Variants in MXRA7 observed in about 807,000 individuals in gnomAD.
MXRA7 encodes the protein matrix-remodeling-associated protein 7.
A neutral mutation model predicts 17.4 loss-of-function variants in MXRA7; 18 were observed. The observed-to-expected ratio is 1.03, with a 90% CI of 0.71 to 1.53. The LOEUF is 1.53. Among genes scored for constraint, MXRA7 ranks in the 40% most tolerant of loss-of-function variants. MXRA7 has a pLI of 0.00. For synonymous variants in MXRA7, 70 were observed against 101.7 expected (o/e 0.69, Z 1.87); for missense variants, 141 against 209.3 (o/e 0.67, Z 2.01).
chr17:76,700,490 C>T (rs779047781), intron 1 of MXRA7, among the ~76,000 whole-genome samples: 9 of 152,172 alleles, frequency 5.9e-5, no homozygotes, highest in Non-Finnish European at 1.0e-4. Context: ...CTGTGCAGGG[C>T]GCTGGGCTAC....
At position 76,686,626 on chromosome 17, in the gene MXRA7, A is replaced by G. The variant is rs1293757281; in HGVS notation, c.407-1461T>C. Among the ~76,000 whole-genome samples the G allele has an allele frequency of 2.6e-5, 4 of 152,260 alleles. No individual in the cohort carries two copies. The South Asian group carries it at 8.3e-4, about 31-fold the overall frequency. The stretch of plus-strand genomic sequence containing the variant: ...AAAAGGATTTCGCTCAGTCACATGC[A>G]GTGCACCAGGCAGCGCATCCAGTTT... On this transcript the variant is annotated intron_variant, in intron 2 of 3. Transcript: ENST00000449428.
Position 76,685,943 on chromosome 17 carries a change from T to G in MXRA7, c.407-778A>C, listed in dbSNP as rs1488714519. On this transcript the variant is annotated intron_variant, in intron 2 of 3. Transcript: ENST00000449428. Reference sequence around the variant, plus strand: ...CCAGCAGGTGTCGGGCAGAGCTGGCTGGCCTCTTATCGACCTCCACTAACT... The same window carrying G: ...CCAGCAGGTGTCGGGCAGAGCTGGCGGGCCTCTTATCGACCTCCACTAACT... Among the ~76,000 whole-genome samples the G allele has an allele frequency of 3.1e-4, 47 of 152,204 alleles. 2 individuals are homozygous for G. Among genetic ancestry groups the G allele is most frequent in the Admixed American group, 3.1e-3 (47 of 15,282 alleles).
At chr17:76,704,451 C>T (rs1447464100) in intron 1 of MXRA7, among the ~76,000 whole-genome samples, 8 of 149,852 alleles carry the variant, frequency 5.3e-5, no homozygotes, top group East Asian at 2.1e-4. Context: ...GTGATCCGCC[C>T]GCCTCGGCCT....
intron 1 of MXRA7, chr17:76,689,809 C>G (rs557834007): frequency 2.6e-5 from 4 of 152,138 alleles, no homozygotes; most frequent in South Asian, 2.1e-4. Flanking sequence ...GAATTCGAGA[C>G]CAGCCTGGCC....
intron 3 of MXRA7, among the ~76,000 whole-genome samples, chr17:76,682,714 G>C (rs1412557423): frequency 1.3e-5 from 2 of 152,168 alleles, no homozygotes; most frequent in Non-Finnish European, 2.9e-5. Context: ...ATGCCTAGGA[G>C]CCACAGGGAG....
intron 1 of MXRA7, among the ~76,000 whole-genome samples, chr17:76,698,884 G>A (rs1238289641): frequency 6.6e-6 from 1 of 151,778 alleles, no homozygotes; most frequent in East Asian, 1.9e-4. Context: ...CAGCATCCCC[G>A]GCTAATTTTT....
At chr17:76,700,984 C>G (rs2143664910) in intron 1 of MXRA7, among the ~76,000 whole-genome samples, 1 of 152,040 alleles carries the variant, frequency 6.6e-6, no homozygotes, top group African/African-American at 2.4e-5. Flanking sequence ...AGAAAGGAGT[C>G]TGTGGCTGTG....
chr17:76,684,992 G>A (rs2071429636), intron 3 of MXRA7, 80 bp downstream of exon 3: 2 of 1,189,258 alleles, frequency 1.7e-6, no homozygotes, highest in Non-Finnish European at 2.5e-6. Flanking sequence ...TCTGCCAAGG[G>A]GCAGGAACAT....
At chr17:76,693,475 C>CA (rs59677254) in intron 1 of MXRA7, among the ~76,000 whole-genome samples, 31,489 of 98,342 alleles carry the variant, frequency 0.32, 4,761 homozygotes, top group Non-Finnish European at 0.38. Flanking sequence ...AGATCTGTCT[C>CA]AAAAAAAAAA....
At chr17:76,700,611 T>C (rs2076579474) in intron 1 of MXRA7, among the ~76,000 whole-genome samples, 1 of 152,248 alleles carries the variant, frequency 6.6e-6, no homozygotes, top group African/African-American at 2.4e-5. Flanking sequence ...TTCTTTCTTT[T>C]TGTGGCATTG....
downstream of MXRA7, among the ~76,000 whole-genome samples, chr17:76,679,287 CAAAAA>C (rs71158050): frequency 1.6e-5 from 2 of 121,712 alleles, no homozygotes; most frequent in African/African-American, 3.7e-5. Context: ...GGCCCTGTCT[CAAAAA>C]AAAAAAAAAA....
chr17:76,697,680 A>G (rs1044393173), intron 1 of MXRA7, among the ~76,000 whole-genome samples: 4 of 152,196 alleles, frequency 2.6e-5, no homozygotes, highest in Non-Finnish European at 5.9e-5. Flanking sequence ...GGGGGAAGGC[A>G]AACGGGACGT....
At chr17:76,705,565 C>T (rs918111851) in intron 1 of MXRA7, among the ~76,000 whole-genome samples, 3 of 152,084 alleles carry the variant, frequency 2.0e-5, no homozygotes, top group Non-Finnish European at 4.4e-5. Context: ...AGTCTTAACC[C>T]CCAGTGTGAT....
intron 1 of MXRA7, among the ~76,000 whole-genome samples, chr17:76,707,186 T>A (rs776877127): frequency 4.6e-5 from 7 of 152,208 alleles, no homozygotes; most frequent in Non-Finnish European, 8.8e-5. Flanking sequence ...ATCAAGATTG[T>A]ATTTATTTGT....
intron 1 of MXRA7, among the ~76,000 whole-genome samples, chr17:76,702,879 A>ATATATATACGTATATATATATATACG (rs2076609937): frequency 1.3e-5 from 2 of 148,342 alleles, no homozygotes; most frequent in African/African-American, 5.1e-5. Flanking sequence ...ATACGTATAT[A>ATATATATACGTATATATATATATACG]TATATATATA....
At chr17:76,705,471 G>A (rs11655722) in intron 1 of MXRA7, among the ~76,000 whole-genome samples, 79,109 of 152,000 alleles carry the variant, frequency 0.52, 20,720 homozygotes, top group Middle Eastern at 0.66. Flanking sequence ...ATGAACATTT[G>A]GATTATTTCT....
chr17:76,708,240 G>T (rs2076683047), intron 1 of MXRA7, among the ~76,000 whole-genome samples: 1 of 152,218 alleles, frequency 6.6e-6, no homozygotes, highest in African/African-American at 2.4e-5. Flanking sequence ...AGCTGCCCCA[G>T]CCCGCCCAGG....
intron 1 of MXRA7, among the ~76,000 whole-genome samples, chr17:76,693,003 C>T (rs192517521): frequency 3.9e-4 from 53 of 137,258 alleles, no homozygotes; most frequent in Middle Eastern, 3.5e-3. Flanking sequence ...CTAGCACATG[C>T]GGAGAATTAA....
intron 1 of MXRA7, among the ~76,000 whole-genome samples, chr17:76,696,182 G>T (rs2076531454): frequency 6.6e-6 from 1 of 152,134 alleles, no homozygotes; most frequent in Admixed American, 6.5e-5. Flanking sequence ...AAAGCGTTTG[G>T]TTTCATTCCT....
Sources: allele counts gnomAD v4.1 joint callset (sites outside exome capture counted in the v4.1 genomes callset), GRCh38; gene constraint gnomAD v4.1.1; transcripts MANE v1.5; gene names NCBI Gene and HGNC (gene_info 2026-07-23, HGNC 2026-07-21).